Variants in PHLDB2 observed in about 807,000 individuals in gnomAD.
PHLDB2 encodes the protein pleckstrin homology like domain family B member 2, also known as pleckstrin homology-like domain family B member 2.
PHLDB2 carries 71 observed loss-of-function variants against 123.6 expected under a neutral mutation model. The observed-to-expected ratio is 0.57, with a 90% CI of 0.47 to 0.70. The LOEUF (loss-of-function observed/expected upper bound fraction) is 0.70, where lower values mean the gene tolerates loss of function less well. Among genes scored for constraint, PHLDB2 ranks in the 30% least tolerant of loss-of-function variants. The probability of loss-of-function intolerance (pLI) is 0.00; values close to 1 mark genes in which losing one functional copy is unlikely to be tolerated. For missense variants in PHLDB2, 1,446 were observed against 1,519.5 expected (o/e 0.95, Z 0.80); for synonymous variants, 547 against 541.6 (o/e 1.01, Z -0.14).
chr3:111,813,636 G>T (rs1225912200), intron 1 of PHLDB2, among the ~76,000 whole-genome samples: 1 of 152,150 alleles, frequency 6.6e-6, no homozygotes, highest in Non-Finnish European at 1.5e-5. Flanking sequence ...AAAGGAAAAT[G>T]GAAGAGTGCC....
chr3:111,812,770 A>G (rs2061899516), intron 1 of PHLDB2, among the ~76,000 whole-genome samples: 2 of 152,334 alleles, frequency 1.3e-5, no homozygotes, highest in African/African-American at 4.8e-5. Context: ...TATAGCTTGG[A>G]GCCAGACAAA....
At chr3:111,878,474 A>C (rs190737693) in intron 1 of PHLDB2, among the ~76,000 whole-genome samples, 13 of 152,268 alleles carry the variant, frequency 8.5e-5, no homozygotes, top group African/African-American at 2.2e-4. Flanking sequence ...GGGTTTTCTA[A>C]ATATACAATC....
Position 111,973,750 on chromosome 3 carries a change from T to G in PHLDB2, c.3554T>G (p.Leu1185Trp). 1 of 1,600,264 alleles carries G rather than the reference T, an allele frequency of 6.2e-7. No individual in the cohort carries two copies. The change falls in exon 17 of 18, where the codon TTG becomes TGG. Residue 1185 changes from leucine (L) to tryptophan (W), a missense_variant. Physicochemically the swap from Leu to Trp is moderately conservative, Grantham distance 61 (BLOSUM62 -2). Transcript: ENST00000431670. ...TTTGCAGACAAGCATGAAACTAAAT[T>G]GAAAGGAGTAATATACTTTCAAGCC... ...SYYADKHETK[L>W]KGVIYFQAIE...
At chr3:111,781,734 TC>T (rs2060483968) in intron 1 of PHLDB2, among the ~76,000 whole-genome samples, 1 of 152,170 alleles carries the variant, frequency 6.6e-6, no homozygotes, top group East Asian at 1.9e-4. Flanking sequence ...GCAGATGCAT[TC>T]CTTTCTCCCC....
chr3:111,869,754 G>A (rs545628284), intron 1 of PHLDB2, among the ~76,000 whole-genome samples: 11 of 152,102 alleles, frequency 7.2e-5, no homozygotes, highest in Non-Finnish European at 1.5e-4. Context: ...AGGATTTACA[G>A]CTGCCTGTTG....
intron 1 of PHLDB2, among the ~76,000 whole-genome samples, chr3:111,748,681 C>G (rs2059720643): frequency 6.6e-6 from 1 of 151,956 alleles, no homozygotes; most frequent in Admixed American, 6.6e-5. Context: ...ACCACCATAC[C>G]CGGCTAATTT....
chr3:111,843,248 A>T (rs1407116910), intron 1 of PHLDB2, among the ~76,000 whole-genome samples: 4 of 152,162 alleles, frequency 2.6e-5, no homozygotes, highest in Non-Finnish European at 4.4e-5. Context: ...TCTCTCCAAT[A>T]CTTGTTACAA....
At chr3:111,732,526 C>T in exon 1 of PHLDB2, 3 of 1,149,430 alleles carry the variant, frequency 2.6e-6, no homozygotes, top group East Asian at 2.6e-5. Context: ...CCAGAGAGAG[C>T]AGGAAAGGAA....
At chr3:111,909,601 A>T (rs970620721) in intron 2 of PHLDB2, among the ~76,000 whole-genome samples, 4 of 152,216 alleles carry the variant, frequency 2.6e-5, no homozygotes, top group Non-Finnish European at 5.9e-5. Flanking sequence ...TTGTCTCAGG[A>T]AAAAAAGAAA....
At chr3:111,899,143 C>A (rs1245241491) in intron 2 of PHLDB2, among the ~76,000 whole-genome samples, 3 of 152,100 alleles carry the variant, frequency 2.0e-5, no homozygotes, top group Admixed American at 6.5e-5. Context: ...CCAAAATTAC[C>A]CCATGGGATG....
Position 111,881,152 on chromosome 3 carries a change from G to A in PHLDB2, c.-14-2912G>A, listed in dbSNP as rs186446684. Among the ~76,000 whole-genome samples, 212 of 152,312 alleles carry A rather than the reference G, an allele frequency of 1.4e-3. 1 individual carries two copies. Among genetic ancestry groups the A allele is most frequent in the African/African-American group, 4.9e-3 (205 of 41,578 alleles). On this transcript the variant is annotated intron_variant, in intron 1 of 17. Transcript: ENST00000431670. The stretch of plus-strand genomic sequence containing the variant: ...TTTCATACCTGCTGGCATAGCTGCA[G>A]TGACAACTTCACAATTTTCCTTTTC...
chr3:111,735,780 CCTT>C (rs1439232625), intron 1 of PHLDB2, among the ~76,000 whole-genome samples: 1 of 152,186 alleles, frequency 6.6e-6, no homozygotes, highest in African/African-American at 2.4e-5. Flanking sequence ...TGAACTGCTG[CCTT>C]CTTATCTACA....
intron 2 of PHLDB2, chr3:111,911,626 C>CCCAA: frequency 6.5e-7 from 1 of 1,535,940 alleles, no homozygotes; most frequent in Non-Finnish European, 8.7e-7. Context: ...TGCAGAAGAG[C>CCCAA]CCAAGATGAG....
chr3:111,735,606 C>T (rs1276535087), intron 1 of PHLDB2, among the ~76,000 whole-genome samples: 1 of 152,180 alleles, frequency 6.6e-6, no homozygotes, highest in Non-Finnish European at 1.5e-5. Context: ...ATTGCATCAC[C>T]ATGTCTACCA....
At chr3:111,963,532 G>A (rs2071551418) in intron 13 of PHLDB2, among the ~76,000 whole-genome samples, 1 of 152,098 alleles carries the variant, frequency 6.6e-6, no homozygotes, top group Non-Finnish European at 1.5e-5. Flanking sequence ...TGTCTACACT[G>A]TAAATAATGA....
At chr3:111,792,725 C>G (rs367932947) in intron 1 of PHLDB2, among the ~76,000 whole-genome samples, 108 of 152,086 alleles carry the variant, frequency 7.1e-4, no homozygotes, top group African/African-American at 2.3e-3. Flanking sequence ...AAAACAAAAA[C>G]AAAAAGAAAA....
At chr3:111,964,840 A>G (rs1405686458) in intron 13 of PHLDB2, among the ~76,000 whole-genome samples, 1 of 152,184 alleles carries the variant, frequency 6.6e-6, no homozygotes, top group East Asian at 1.9e-4. Context: ...AAAAAGGGAT[A>G]AATGGGGATT....
At chr3:111,903,643 A>G (rs1249093269) in intron 2 of PHLDB2, among the ~76,000 whole-genome samples, 1 of 152,190 alleles carries the variant, frequency 6.6e-6, no homozygotes, top group Non-Finnish European at 1.5e-5. Flanking sequence ...GGTTCTTCAG[A>G]GTCTACAAGA....
chr3:111,871,681 C>G (rs557265004), intron 1 of PHLDB2, among the ~76,000 whole-genome samples: 1 of 152,076 alleles, frequency 6.6e-6, no homozygotes, highest in South Asian at 2.1e-4. Context: ...TCCAAAAAAA[C>G]CTTTGTTTCT....
Sources: allele counts gnomAD v4.1 joint callset (sites outside exome capture counted in the v4.1 genomes callset), GRCh38; gene constraint gnomAD v4.1.1; transcripts MANE v1.5; gene names NCBI Gene and HGNC (gene_info 2026-07-23, HGNC 2026-07-21).